Variants in LRRIQ1 observed in about 807,000 individuals in gnomAD.
LRRIQ1 encodes the protein leucine rich repeats and IQ motif containing 1.
Under a neutral mutation model 211.9 loss-of-function variants are expected in LRRIQ1, and 210 were observed. The ratio of observed to expected loss-of-function variants is 0.99; its 90% CI spans 0.89 to 1.11. The LOEUF (loss-of-function observed/expected upper bound fraction) is 1.11, where lower values mean the gene tolerates loss of function less well. LRRIQ1 is among the 50% of genes most tolerant of loss of function. LRRIQ1 has a pLI of 0.00. For missense variants in LRRIQ1, 2,136 were observed against 1,939.5 expected (o/e 1.10, Z -1.90); for synonymous variants, 699 against 650.1 (o/e 1.08, Z -1.14).
In LRRIQ1 at chr12:85,073,053, A is replaced by C. The variant is rs764986374; in HGVS notation, c.2842A>C (p.Lys948Gln). Reference protein sequence around the residue: ...WSWIPITSLTKNSDCNFLISH... With the variant: ...WSWIPITSLTQNSDCNFLISH... Reference sequence around the variant, plus strand: ...CTGGATACCTATTACCTCACTTACAAAAAATTCAGATTGTAATTTCCTTAT... The same window carrying C: ...CTGGATACCTATTACCTCACTTACACAAAATTCAGATTGTAATTTCCTTAT... Residue 948 changes from lysine to glutamine, a missense_variant, in exon 11 of 27, where the codon AAA becomes CAA. Lys to Gln is a moderately conservative substitution (Grantham distance 53). Coordinates refer to ENST00000393217, the MANE Select transcript of LRRIQ1 (RefSeq NM_001079910.2). The C allele has an allele frequency of 7.3e-5, 118 of 1,609,408 alleles. No individual in the cohort carries two copies. The highest frequency in any genetic ancestry group is 1.0e-4 in the Admixed American group (6 of 59,348).
At chr12:85,249,356 A>G (rs909472575), downstream of LRRIQ1, among the ~76,000 whole-genome samples, 8 of 151,850 alleles carry the variant, frequency 5.3e-5, no homozygotes, top group African/African-American at 2.4e-5. Context: ...ATTTATGTAC[A>G]TATATTCATA....
chr12:85,151,737 A>C (rs1156791710), intron 19 of LRRIQ1, among the ~76,000 whole-genome samples: 2 of 151,586 alleles, frequency 1.3e-5, no homozygotes, highest in Admixed American at 1.3e-4. Context: ...TTTTTTGAAC[A>C]GTTGAATTAG....
chr12:85,137,679 G>T (rs144760886), intron 18 of LRRIQ1, among the ~76,000 whole-genome samples, 171 bp from the exon 19 acceptor site: 14 of 151,454 alleles, frequency 9.2e-5, no homozygotes, highest in African/African-American at 3.4e-4. Context: ...GACACATGTC[G>T]TCGTTTAATT....
chr12:85,245,888 TAG>T (rs1370810469), downstream of LRRIQ1, among the ~76,000 whole-genome samples: 1 of 150,590 alleles, frequency 6.6e-6, no homozygotes. Flanking sequence ...CATATATATA[TAG>T]AGAGAGAGAC....
chr12:85,122,771 A>G (rs1163141717), intron 16 of LRRIQ1, among the ~76,000 whole-genome samples: 2 of 152,064 alleles, frequency 1.3e-5, no homozygotes, highest in East Asian at 3.8e-4. Flanking sequence ...GTTATAAGTA[A>G]TGTTTAATGT....
chr12:85,046,740 T>C (rs1879632793), intron 5 of LRRIQ1, among the ~76,000 whole-genome samples: 1 of 152,068 alleles, frequency 6.6e-6, no homozygotes, highest in Admixed American at 6.5e-5. Flanking sequence ...TAGCAACGAC[T>C]TGGAACCAAC....
Position 85,104,022 on chromosome 12 carries a change from A to G in LRRIQ1, c.3228A>G (p.Pro1076=). Residue 1076 remains proline (P), a synonymous_variant, in exon 14 of 27, where the codon CCA becomes CCG. Coordinates refer to ENST00000393217, the MANE Select transcript of LRRIQ1 (RefSeq NM_001079910.2). ...TTTTCAGCTTGACTAAAATCGTACC[A>G]CTTTTTCATTTTGTTTCATTGGAAA... The part of the protein sequence containing the change: ...ISQNSLTKIV[P]LFHFVSLEKL... 6.4e-7 allele frequency: 1 copy of G among 1,569,156 alleles called. No homozygotes were observed. The highest frequency in any genetic ancestry group is 8.6e-7 in the Non-Finnish European group (1 of 1,157,552).
At chr12:85,126,642 A>C (rs1402203335) in intron 17 of LRRIQ1, among the ~76,000 whole-genome samples, 1 of 152,174 alleles carries the variant, frequency 6.6e-6, no homozygotes, top group African/African-American at 2.4e-5. Context: ...ATCTTAGACC[A>C]TATATTTTAG....
rs776099140 is a variant in LRRIQ1, at chr12:85,040,556, G to C, written c.199G>C (p.Val67Leu). The change falls in exon 3 of 27, where the codon GTT (valine) becomes CTT (leucine). Residue 67 changes from valine to leucine, a missense_variant. By Grantham distance (32) the Val-to-Leu change is conservative. Coordinates refer to ENST00000393217, the MANE Select transcript of LRRIQ1 (RefSeq NM_001079910.2). Reference protein sequence around the residue: ...INIIKNRSKAVEELILQDLED... With the variant: ...INIIKNRSKALEELILQDLED... ...CATCATAAAGAACAGGAGTAAAGCT[G>C]TTGAAGAGCTCATTCTTCAGGACCT... is the stretch of plus-strand genomic sequence containing the variant. The C allele has an allele frequency of 2.5e-6, 4 of 1,599,408 alleles. No individual in the cohort carries two copies. Among genetic ancestry groups the C allele is most frequent in the Non-Finnish European group, 3.4e-6 (4 of 1,171,806 alleles).
At chr12:85,071,052 TTTGA>T (rs1470345204) in intron 10 of LRRIQ1, among the ~76,000 whole-genome samples, 1 of 151,970 alleles carries the variant, frequency 6.6e-6, no homozygotes, top group African/African-American at 2.4e-5. Flanking sequence ...ACTTTTCCCA[TTTGA>T]TTGTGTTTAA....
At chr12:85,211,007 C>A (rs1592975548) in intron 24 of LRRIQ1, among the ~76,000 whole-genome samples, 1 of 152,300 alleles carries the variant, frequency 6.6e-6, no homozygotes, top group African/African-American at 2.4e-5. Flanking sequence ...CTTCACTTTA[C>A]CTTTGTAGAA....
downstream of LRRIQ1, among the ~76,000 whole-genome samples, chr12:85,265,613 G>A (rs547416448): frequency 8.6e-5 from 13 of 152,024 alleles, no homozygotes; most frequent in Admixed American, 3.9e-4. Context: ...CAACACATTA[G>A]CCACTAGACA....
intron 24 of LRRIQ1, among the ~76,000 whole-genome samples, chr12:85,209,147 A>G (rs1893710526): frequency 6.6e-6 from 1 of 152,192 alleles, no homozygotes; most frequent in Non-Finnish European, 1.5e-5. Flanking sequence ...TTGAAAATAT[A>G]TCTATATTAG....
At chr12:85,090,979 T>G (rs945704008) in intron 11 of LRRIQ1, among the ~76,000 whole-genome samples, 1 of 152,192 alleles carries the variant, frequency 6.6e-6, no homozygotes, top group Non-Finnish European at 1.5e-5. Flanking sequence ...GTTTGACTTA[T>G]GGGGTGGATC....
Position 85,116,884 on chromosome 12 carries a change from C to CT in LRRIQ1, c.3378-4800dup, listed in dbSNP as rs1204649640. ...TTACCACAAAGGACATGATCTCGTT[C>CT]TTTTTTTTTTTTTATGGCTGCATAT... On this transcript the variant is annotated intron_variant, in intron 15 of 26. Transcript: ENST00000393217. Among the ~76,000 whole-genome samples, 1,213 of 141,856 alleles carry CT rather than the reference C, an allele frequency of 8.6e-3. 10 individuals are homozygous for CT. Among genetic ancestry groups the CT allele is most frequent in the African/African-American group, 0.023 (895 of 38,754 alleles). The allele number at this position is 141,856 out of a possible 152,430, so 93.1% of individuals were successfully genotyped here. A position where few individuals can be genotyped will look rare whatever the true frequency, so the allele number is the denominator to read the frequency against.
chr12:85,063,712 G>A (rs528495559), intron 8 of LRRIQ1, among the ~76,000 whole-genome samples: 1 of 151,194 alleles, frequency 6.6e-6, no homozygotes, highest in South Asian at 2.1e-4. Context: ...TCCAGCCTCT[G>A]GTAACCATCA....
At chr12:85,228,301 AC>A (rs890683346) in intron 24 of LRRIQ1, among the ~76,000 whole-genome samples, 101 of 152,308 alleles carry the variant, frequency 6.6e-4, no homozygotes, top group African/African-American at 2.4e-3. Flanking sequence ...TCCAGAATCT[AC>A]AAAGAACTTT....
In LRRIQ1 at chr12:85,056,604, C is replaced by T; in HGVS notation, c.1811C>T (p.Thr604Ile). Reference protein sequence around the residue: ...QNGLLYKDKDTLVISVKQRSL... With the variant: ...QNGLLYKDKDILVISVKQRSL... ...GGATTATTATATAAAGATAAGGATACTTTAGTTATTTCAGTGAAACAAAGA... is the reference window on the plus strand; with the variant it reads ...GGATTATTATATAAAGATAAGGATATTTTAGTTATTTCAGTGAAACAAAGA... The change falls in exon 8 of 27, where the codon ACT (threonine) becomes ATT (isoleucine). Residue 604 changes from threonine (T) to isoleucine (I), a missense_variant. Physicochemically the swap from Thr to Ile is moderately conservative, Grantham distance 89. Transcript: ENST00000393217. 6.3e-7 allele frequency: 1 copy of T among 1,594,244 alleles called. No homozygotes were observed. Among genetic ancestry groups the T allele is most frequent in the Non-Finnish European group, 8.5e-7 (1 of 1,171,842 alleles).
At chr12:85,116,165 C>T (rs919995357) in intron 15 of LRRIQ1, among the ~76,000 whole-genome samples, 4 of 152,164 alleles carry the variant, frequency 2.6e-5, no homozygotes, top group African/African-American at 9.7e-5. Context: ...TTGTTTGAGA[C>T]GGAGTCTCGC....
Sources: allele counts gnomAD v4.1 joint callset (sites outside exome capture counted in the v4.1 genomes callset), GRCh38; gene constraint gnomAD v4.1.1; transcripts MANE v1.5; gene names NCBI Gene and HGNC (gene_info 2026-07-23, HGNC 2026-07-21).